Variants in HACE1 observed in about 807,000 individuals in gnomAD.
The protein encoded by HACE1 is HECT domain and ankyrin repeat containing E3 ubiquitin protein ligase 1, also known as E3 ubiquitin-protein ligase HACE1.
In HACE1, 73 loss-of-function variants were observed where a neutral mutation model predicts 118.4. The ratio of observed to expected loss-of-function variants is 0.62; its 90% CI spans 0.51 to 0.75. The LOEUF (loss-of-function observed/expected upper bound fraction) is 0.75, where lower values mean the gene tolerates loss of function less well. Among genes scored for constraint, HACE1 ranks in the 30% least tolerant of loss-of-function variants. HACE1 has a pLI of 0.00. For missense variants in HACE1, 749 were observed against 1,102.2 expected (o/e 0.68, Z 4.54); for synonymous variants, 368 against 374.8 (o/e 0.98, Z 0.21).
chr6:104,746,651 T>C (rs1777464148), intron 20 of HACE1, among the ~76,000 whole-genome samples: 1 of 152,206 alleles, frequency 6.6e-6, no homozygotes, highest in East Asian at 1.9e-4. Context: ...ATAAAGGCTT[T>C]CCCTGTTGCC....
chr6:104,845,206 A>G (rs1022130492), intron 4 of HACE1, among the ~76,000 whole-genome samples: 1 of 151,998 alleles, frequency 6.6e-6, no homozygotes, highest in African/African-American at 2.4e-5. Context: ...TAGATCATAA[A>G]TATCTTCATA....
chr6:104,747,105 G>A (rs1305032497), intron 20 of HACE1, among the ~76,000 whole-genome samples: 2 of 151,714 alleles, frequency 1.3e-5, no homozygotes, highest in Admixed American at 1.3e-4. Context: ...TACATATTAA[G>A]AAAAATATTT....
intron 3 of HACE1, among the ~76,000 whole-genome samples, chr6:104,849,759 C>T (rs1259772574): frequency 6.6e-6 from 1 of 151,714 alleles, no homozygotes; most frequent in Non-Finnish European, 1.5e-5. Context: ...CGCCATTCTC[C>T]TGCCTCAGCC....
At chr6:104,793,997 T>C (rs1304108784) in intron 10 of HACE1, among the ~76,000 whole-genome samples, 1 of 152,212 alleles carries the variant, frequency 6.6e-6, no homozygotes, top group Non-Finnish European at 1.5e-5. Context: ...TCCTTTTTCC[T>C]ACCCTGTTTC....
chr6:104,846,422 C>G (rs1486250089), intron 4 of HACE1, among the ~76,000 whole-genome samples: 1 of 152,146 alleles, frequency 6.6e-6, no homozygotes, highest in Non-Finnish European at 1.5e-5. Flanking sequence ...TGCTGAATCC[C>G]CCTGTACAAG....
chr6:104,734,142 C>CAAAAAAAA (rs11370746), intron 22 of HACE1, among the ~76,000 whole-genome samples: 3 of 87,170 alleles, frequency 3.4e-5, no homozygotes, highest in African/African-American at 8.2e-5. Context: ...GACTCTTCCT[C>CAAAAAAAA]AAAAAAAAAA....
intron 5 of HACE1, among the ~76,000 whole-genome samples, chr6:104,837,076 A>G (rs1774617930): frequency 6.6e-6 from 1 of 152,200 alleles, no homozygotes; most frequent in African/African-American, 2.4e-5. Flanking sequence ...ATTCTCCCCA[A>G]ATTGACCTAT....
In HACE1 at chr6:104,796,577, G is replaced by A. The variant is rs571202876; in HGVS notation, c.816+78C>T. 1.0e-4 allele frequency: 81 copies of A among 780,340 alleles called. 1 individual carries two copies. The South Asian group carries it at 1.1e-3, about 11-fold the overall frequency. 48.3% of individuals were successfully genotyped at this position (780,340 alleles called of 1,614,324 possible). A position where few individuals can be genotyped will look rare whatever the true frequency, so the allele number is the denominator to read the frequency against. On this transcript the variant is annotated intron_variant, in intron 9 of 23. Coordinates refer to ENST00000262903, the MANE Select transcript of HACE1 (RefSeq NM_020771.4). ...ACAATAAGCAAAATTACTAAGCTAA[G>A]CACATTTGTAAAATGTCATATATGC...
chr6:104,734,328 G>C (rs1030053857), intron 22 of HACE1, among the ~76,000 whole-genome samples: 1 of 151,674 alleles, frequency 6.6e-6, no homozygotes, highest in African/African-American at 2.4e-5. Context: ...TTTCAGTAAG[G>C]TTGCGCTAAA....
intron 6 of HACE1, among the ~76,000 whole-genome samples, chr6:104,831,841 C>T (rs888143145): frequency 7.5e-6 from 1 of 133,802 alleles, no homozygotes; most frequent in Admixed American, 7.5e-5. Flanking sequence ...TGCAGTGAGC[C>T]GAGATGGCGC....
Position 104,796,986 on chromosome 6 carries a change from T to G in HACE1, c.657A>C (p.Arg219=). Residue 219 remains arginine, a synonymous_variant, in exon 8 of 24, where the codon CGA becomes CGC. Coordinates refer to ENST00000262903, the MANE Select transcript of HACE1 (RefSeq NM_020771.4). ...QRDTAQILLL[R]GAKYLPDKNG... is the part of the protein sequence containing the mutation. ...TTTTATCTGGCAGATATTTGGCTCC[T>G]CGTAATAGTAGGATCTGTGCTGTAT... The G allele has an allele frequency of 6.2e-7, 1 of 1,602,794 alleles. No individual in the cohort carries two copies. The highest frequency in any genetic ancestry group is 8.5e-7 in the Non-Finnish European group (1 of 1,169,858).
chr6:104,836,688 G>A (rs1024731134), intron 5 of HACE1, among the ~76,000 whole-genome samples: 1 of 152,142 alleles, frequency 6.6e-6, no homozygotes, highest in African/African-American at 2.4e-5. Flanking sequence ...ACTGTAGCCT[G>A]GGTGACAGAG....
intron 11 of HACE1, chr6:104,786,869 T>G (rs888320013): frequency 1.3e-5 from 2 of 152,148 alleles, no homozygotes; most frequent in African/African-American, 4.8e-5. Context: ...TTTAAAATAT[T>G]TCAAGGAAAG....
At chr6:104,843,587 G>A (rs951916336) in intron 4 of HACE1, among the ~76,000 whole-genome samples, 4 of 152,144 alleles carry the variant, frequency 2.6e-5, no homozygotes, top group African/African-American at 9.7e-5. Context: ...TATTGACTAA[G>A]TTCATGAAAT....
chr6:104,743,503 T>C (rs1173653167), intron 22 of HACE1, among the ~76,000 whole-genome samples: 1 of 151,900 alleles, frequency 6.6e-6, no homozygotes, highest in Non-Finnish European at 1.5e-5. Context: ...ACATTTATAA[T>C]GAAAAAAACC....
At chr6:104,760,924 T>C (rs1005725909) in intron 19 of HACE1, among the ~76,000 whole-genome samples, 1 of 152,054 alleles carries the variant, frequency 6.6e-6, no homozygotes, top group African/African-American at 2.4e-5. Context: ...GAGAGACAAA[T>C]CATGAGTGAA....
intron 19 of HACE1, among the ~76,000 whole-genome samples, chr6:104,767,905 T>C (rs2114688272): frequency 6.6e-6 from 1 of 152,292 alleles, no homozygotes. Context: ...TTATCTTCTT[T>C]TTTTTCTCCA....
At chr6:104,779,701 T>C (rs952392997) in intron 14 of HACE1, among the ~76,000 whole-genome samples, 4 of 152,122 alleles carry the variant, frequency 2.6e-5, no homozygotes, top group Non-Finnish European at 4.4e-5. Flanking sequence ...CAGATAAACA[T>C]GGTTTGAAAT....
At chr6:104,734,583 A>C (rs1775609761) in intron 22 of HACE1, among the ~76,000 whole-genome samples, 1 of 152,126 alleles carries the variant, frequency 6.6e-6, no homozygotes, top group Non-Finnish European at 1.5e-5. Flanking sequence ...TGAAAGGTGA[A>C]TTCTTCAATC....
Sources: gnomAD v4.1 joint callset for allele counts (sites outside exome capture counted in the v4.1 genomes callset) on GRCh38, gnomAD v4.1.1 for gene constraint, MANE v1.5 for transcripts, NCBI Gene and HGNC (gene_info 2026-07-23, HGNC 2026-07-21) for gene names.